ANK1: variants seen among roughly 807,000 people sequenced by gnomAD.
ANK1 encodes the protein ankyrin-1.
ANK1 carries 51 observed loss-of-function variants against 210.4 expected under a neutral mutation model. The ratio of observed to expected loss-of-function variants is 0.24; its 90% CI spans 0.19 to 0.31. The LOEUF (loss-of-function observed/expected upper bound fraction) is 0.31. ANK1 is among the 10% of genes least tolerant of loss of function. The pLI, the probability that ANK1 is intolerant of heterozygous loss-of-function variation, is 1.00. For missense variants in ANK1, 2,051 were observed against 2,504.4 expected (o/e 0.82, Z 3.86); for synonymous variants, 967 against 1,025.9 (o/e 0.94, Z 1.10).
chr8:41,699,424 C>T (rs766372849), intron 23 of ANK1, 28 bp downstream of exon 23: 93 of 1,610,498 alleles, frequency 5.8e-5, no homozygotes, highest in Middle Eastern at 5.1e-4. Context: ...TCGGCACCCC[C>T]GGGGACCCTC....
chr8:41,797,405 G>A lies in ANK1; in HGVS notation c.27+107C>T. The A allele has an allele frequency of 1.0e-6, 1 of 999,598 alleles. No homozygotes were observed. Among genetic ancestry groups the A allele is most frequent in the Non-Finnish European group, 1.5e-6 (1 of 648,806 alleles). 61.9% of individuals were successfully genotyped at this position (999,598 alleles called of 1,614,324 possible). ...AGGGAGCCCACGGGGAGGCGAGGCG[G>A]GTGGGGTGTGCAAAGCTGCTCTTGC... On this transcript the variant is annotated intron_variant, in intron 1 of 42. Coordinates refer to ENST00000289734, the MANE Select transcript of ANK1 (RefSeq NM_000037.4). This position sits in a 1 kb window ranked among gnomAD's most constrained non-coding sequence, Gnocchi z 4.0.
intron 1 of ANK1, among the ~76,000 whole-genome samples, chr8:41,867,422 A>T (rs890847952): frequency 2.0e-5 from 3 of 152,138 alleles, no homozygotes; most frequent in South Asian, 2.1e-4. Flanking sequence ...AATCTCCTAA[A>T]ATGCACAAAA....
chr8:41,823,331 G>A (rs1023466800), intron 1 of ANK1, among the ~76,000 whole-genome samples: 1 of 152,168 alleles, frequency 6.6e-6, no homozygotes, highest in Non-Finnish European at 1.5e-5. Flanking sequence ...ACTTGGAGAA[G>A]AAACAGACAT....
intron 37 of ANK1, among the ~76,000 whole-genome samples, chr8:41,676,433 T>C (rs1015156943): frequency 6.6e-6 from 1 of 152,188 alleles, no homozygotes; most frequent in Non-Finnish European, 1.5e-5. Context: ...AAAAACTGAG[T>C]TGTTTTCTTA....
intron 1 of ANK1, among the ~76,000 whole-genome samples, chr8:41,895,894 C>G (rs1820394703): frequency 6.6e-6 from 1 of 151,352 alleles, no homozygotes; most frequent in African/African-American, 2.4e-5. Flanking sequence ...AGAAGCCGGG[C>G]AGAGCTGCCC....
chr8:41,842,294 C>A lies in ANK1; in HGVS notation c.126+54061G>T, dbSNP rs900886090. ...CATCATGAGGTCAGGAGTTCCAGAC[C>A]AGCCTGGCCAACATAGTGAAACCCC... On this transcript the variant is annotated intron_variant, in intron 1 of 42. Coordinates refer to the ANK1 transcript ENST00000265709. Among the ~76,000 whole-genome samples, 10 of 152,244 alleles carry A rather than the reference C, an allele frequency of 6.6e-5. No homozygotes were observed. In the South Asian group the frequency reaches 1.5e-3, roughly 22 times the overall value.
chr8:41,789,033 T>C (rs896098345), intron 1 of ANK1: 9 of 152,278 alleles, frequency 5.9e-5, no homozygotes, highest in African/African-American at 2.2e-4. Context: ...TCAAGGCCCA[T>C]TCAAAGTTCT....
In ANK1 at chr8:41,686,235, C is replaced by T. The variant is rs1460910760; in HGVS notation, c.4307G>A (p.Arg1436Gln). The change falls in exon 36 of 43, where the codon CGA (arginine) becomes CAA (glutamine). Residue 1436 changes from arginine to glutamine, a missense_variant. Around this residue, in one of 6 missense-constraint regions of ANK1, gnomAD observed 39 missense variants for 75.1 expected, o/e 0.52. Transcript: ENST00000289734. ...QFSVEDINRI[R>Q]VENPNSLLEQ... ...CAACAGGGAGTTGGGATTTTCCACT[C>T]GGATCCTGTTGATGTCTTCCACACT... 3.7e-6 allele frequency: 6 copies of T among 1,614,132 alleles called. No homozygotes were observed. The highest frequency in any genetic ancestry group is 5.1e-6 in the Non-Finnish European group (6 of 1,180,040).
At chr8:41,875,451 G>T (rs1358627209) in intron 1 of ANK1, among the ~76,000 whole-genome samples, 1 of 152,192 alleles carries the variant, frequency 6.6e-6, no homozygotes, top group African/African-American at 2.4e-5. Context: ...AGCTACAAGG[G>T]ACTCTCCCAG....
At chr8:41,701,995 C>A (rs1586239142) in intron 21 of ANK1, 57 bp downstream of exon 21, 3 of 1,550,768 alleles carry the variant, frequency 1.9e-6, no homozygotes, top group East Asian at 4.5e-5. Flanking sequence ...ACCCCAGGCA[C>A]GCCTGTGCGC....
In ANK1 at chr8:41,722,583, C is replaced by T. The variant is rs139086747; in HGVS notation, c.909+542G>A. Among the ~76,000 whole-genome samples, 105 of 152,296 alleles carry T rather than the reference C, an allele frequency of 6.9e-4. 2 individuals carry two copies. Among genetic ancestry groups the T allele is most frequent in the Middle Eastern group, 6.8e-3 (2 of 294 alleles). ...CACGTAACGGGCCTTTTCTCTGGCC[C>T]GTAATGGAACCTGAGAAGAACTGTG... On this transcript the variant is annotated intron_variant, in intron 9 of 42. Transcript: ENST00000289734.
intron 2 of ANK1, among the ~76,000 whole-genome samples, chr8:41,742,520 C>T (rs1341158781): frequency 6.6e-6 from 1 of 152,226 alleles, no homozygotes; most frequent in Non-Finnish European, 1.5e-5. Context: ...CCCCACCCCA[C>T]ACCTCCTGAA....
At chr8:41,686,557 T>C (rs145966654) in intron 35 of ANK1, among the ~76,000 whole-genome samples, 8 of 152,346 alleles carry the variant, frequency 5.3e-5, no homozygotes, top group African/African-American at 1.9e-4. Context: ...CAAATGTCCT[T>C]TCTTCCTTTC....
chr8:41,694,798 C>G lies in ANK1; in HGVS notation c.3121G>C (p.Gly1041Arg). 6.2e-7 allele frequency: 1 copy of G among 1,614,072 alleles called. No individual in the cohort carries two copies. The highest frequency in any genetic ancestry group is 8.5e-7 in the Non-Finnish European group (1 of 1,179,984). ...TTCTTCTCTAGCTCCTCCAGGCTCC[C>G]CAGCTCTGGAATCACACACACAGGC... Reference protein sequence around the residue: ...QILNGMDEELGSLEELEKKRV... With the variant: ...QILNGMDEELRSLEELEKKRV... The change falls in exon 28 of 43, where the codon GGG becomes CGG. Residue 1041 changes from glycine (G) to arginine (R), a missense_variant. Physicochemically the swap from Gly to Arg is moderately radical, Grantham distance 125 (BLOSUM62 -2). Coordinates refer to ENST00000289734, the MANE Select transcript of ANK1 (RefSeq NM_000037.4). The surrounding 1 kb of genome is among the most constrained non-coding windows in gnomAD (Gnocchi z 5.7).
At chr8:41,782,037 A>G (rs1845443963) in intron 1 of ANK1, among the ~76,000 whole-genome samples, 2 of 152,174 alleles carry the variant, frequency 1.3e-5, no homozygotes, top group Non-Finnish European at 2.9e-5. Context: ...AATAACTGGG[A>G]TTTTTAAAGG....
chr8:41,765,168 C>G (rs888732905), intron 1 of ANK1, among the ~76,000 whole-genome samples: 3 of 132,510 alleles, frequency 2.3e-5, no homozygotes, highest in Non-Finnish European at 4.9e-5. Flanking sequence ...CCTTTCCTTT[C>G]TTTTCCTTTC....
intron 1 of ANK1, among the ~76,000 whole-genome samples, chr8:41,826,849 C>T (rs1244813088): frequency 6.6e-6 from 1 of 152,118 alleles, no homozygotes; most frequent in Non-Finnish European, 1.5e-5. Context: ...CCTTGGATCT[C>T]CATGTGAGTT....
chr8:41,801,030 G>A (rs1025493736), upstream of ANK1, among the ~76,000 whole-genome samples: 3 of 152,174 alleles, frequency 2.0e-5, no homozygotes, highest in East Asian at 1.9e-4. Flanking sequence ...TTGCTGCAAC[G>A]TCATGTTCCT....
intron 1 of ANK1, among the ~76,000 whole-genome samples, chr8:41,880,697 C>T (rs1817435499): frequency 1.3e-5 from 2 of 152,366 alleles, no homozygotes; most frequent in African/African-American, 4.8e-5. Context: ...GGACGAGGAG[C>T]AGTTTGGAAT....
Sources: allele counts gnomAD v4.1 joint callset (sites outside exome capture counted in the v4.1 genomes callset), GRCh38; gene constraint gnomAD v4.1.1; regional missense constraint gnomAD v4.1.1; non-coding constraint Gnocchi (gnomAD v3.1); transcripts MANE v1.5; gene names NCBI Gene and HGNC (gene_info 2026-07-23, HGNC 2026-07-21).